Variants in BCKDHB observed in about 807,000 individuals in gnomAD.
BCKDHB encodes the protein branched chain keto acid dehydrogenase E1 subunit beta.
In BCKDHB, 41 loss-of-function variants were observed where a neutral mutation model predicts 48.5. The ratio of observed to expected loss-of-function variants is 0.85; its 90% CI spans 0.66 to 1.10. The LOEUF (loss-of-function observed/expected upper bound fraction) is 1.10, where lower values mean the gene tolerates loss of function less well. Ranked by LOEUF, BCKDHB falls within the 50% of genes least tolerant of loss-of-function variation. The pLI is 0.00. For synonymous variants in BCKDHB, 201 were observed against 174.8 expected (o/e 1.15, Z -1.18); for missense variants, 496 against 494.2 (o/e 1.00, Z -0.03).
chr6:80,386,955 A>G, the BCKDHB span, among the ~76,000 whole-genome samples: 1 of 152,082 alleles, frequency 6.6e-6, no homozygotes, highest in Non-Finnish European at 1.5e-5. Context: ...CATTACCGAC[A>G]ATTTATGCAG....
rs1338393229 is a variant in BCKDHB, at chr6:80,200,878, C to G, written c.743-56C>G. On this transcript the variant is annotated intron_variant, in intron 6 of 9. Transcript: ENST00000320393. ...AGTGAGCTTCTTAAATTATTTTATG[C>G]ACAAGTGTCACCTCAGAAAAAATGT... 2.2e-6 allele frequency: 3 copies of G among 1,341,460 alleles called. No individual in the cohort carries two copies. In the Admixed American group the frequency reaches 5.1e-5, roughly 23 times the overall value. The allele number at this position is 1,341,460 out of a possible 1,614,324, so 83.1% of individuals were successfully genotyped here.
the BCKDHB span, among the ~76,000 whole-genome samples, chr6:80,459,473 T>G: frequency 6.6e-6 from 1 of 152,206 alleles, no homozygotes; most frequent in African/African-American, 2.4e-5. Flanking sequence ...TACCAAGGAC[T>G]GGTGGTGGAG....
Position 80,206,584 on chromosome 6 carries a change from G to A in BCKDHB, c.951+3372G>A, listed in dbSNP as rs1180046226. On this transcript the variant is annotated intron_variant, in intron 8 of 9. Coordinates refer to ENST00000320393, the MANE Select transcript of BCKDHB (RefSeq NM_183050.4). ...GTGTGTGTGTACATGTATGTATATG[G>A]ATCAAGTAAACTTTGTGGAGCCATC... 2.0e-5 allele frequency among the ~76,000 whole-genome samples: 3 copies of A among 150,954 alleles called. No individual in the cohort carries two copies. The East Asian group carries it at 5.8e-4, about 29-fold the overall frequency.
chr6:80,343,915 G>A lies in BCKDHB; in HGVS notation c.*111G>A. 5 of 1,407,988 alleles carry A rather than the reference G, an allele frequency of 3.6e-6. No individual in the cohort carries two copies. The highest frequency in any genetic ancestry group is 4.0e-6 in the Non-Finnish European group (4 of 1,000,254). The allele number at this position is 1,407,988 out of a possible 1,614,324, so 87.2% of individuals were successfully genotyped here. A position where few individuals can be genotyped will look rare whatever the true frequency, so the allele number is the denominator to read the frequency against. ...TGTTTTGATGGTAACAAACTTTGAT[G>A]GTAAAGTTGGTAAAAGGCAACTTTC... On this transcript the variant is annotated 3_prime_UTR_variant, in exon 10 of 10. Coordinates refer to ENST00000320393, the MANE Select transcript of BCKDHB (RefSeq NM_183050.4).
Position 80,172,789 on chromosome 6 carries a change from C to T in BCKDHB, c.742+1399C>T, listed in dbSNP as rs564880151. Among the ~76,000 whole-genome samples the T allele has an allele frequency of 3.7e-4, 57 of 152,186 alleles. 1 individual carries two copies. The South Asian group carries it at 0.011, about 29-fold the overall frequency. On this transcript the variant is annotated intron_variant, in intron 6 of 9. Coordinates refer to ENST00000320393, the MANE Select transcript of BCKDHB (RefSeq NM_183050.4). ...TTTTCAAAGTGGATGTGTCATTTTACACTTTCATTGGAGATTTTTCAGAGT... is the reference window on the plus strand; with the variant it reads ...TTTTCAAAGTGGATGTGTCATTTTATACTTTCATTGGAGATTTTTCAGAGT...
intron 9 of BCKDHB, among the ~76,000 whole-genome samples, chr6:80,334,602 A>G (rs1441912359): frequency 6.6e-6 from 1 of 151,370 alleles, no homozygotes; most frequent in Non-Finnish European, 1.5e-5. Flanking sequence ...CCAAGCTTTA[A>G]AGGCTGTGTT....
chr6:80,324,991 A>G (rs1012436788), intron 9 of BCKDHB, among the ~76,000 whole-genome samples: 5 of 152,226 alleles, frequency 3.3e-5, no homozygotes, highest in Non-Finnish European at 7.3e-5. Flanking sequence ...TATATATGTA[A>G]AAGTCACAGT....
chr6:80,116,914 G>A (rs1769736778), intron 1 of BCKDHB, among the ~76,000 whole-genome samples: 1 of 152,058 alleles, frequency 6.6e-6, no homozygotes, highest in Non-Finnish European at 1.5e-5. Flanking sequence ...CTATAAGTAG[G>A]TTTATCTTAC....
At chr6:80,359,520 TATC>T in the BCKDHB span, among the ~76,000 whole-genome samples, 1 of 152,238 alleles carries the variant, frequency 6.6e-6, no homozygotes, top group Admixed American at 6.5e-5. Flanking sequence ...AAGCTTTTAT[TATC>T]ATTTTAATGC....
intron 8 of BCKDHB, among the ~76,000 whole-genome samples, chr6:80,258,588 C>T (rs1175548185): frequency 6.6e-6 from 1 of 152,228 alleles, no homozygotes; most frequent in African/African-American, 2.4e-5. Flanking sequence ...GCCCAGATGG[C>T]TCTGAGGCTC....
the BCKDHB span, among the ~76,000 whole-genome samples, chr6:80,424,915 G>A: frequency 4.6e-5 from 7 of 152,320 alleles, no homozygotes; most frequent in African/African-American, 1.4e-4. Flanking sequence ...AGAGTCCAAG[G>A]AAAGCTTGTC....
the BCKDHB span, among the ~76,000 whole-genome samples, chr6:80,434,222 G>A: frequency 1.3e-5 from 2 of 150,962 alleles, no homozygotes; most frequent in Non-Finnish European, 2.9e-5. Flanking sequence ...TCTTCATCTC[G>A]TTTGAGCCAT....
intron 1 of BCKDHB, among the ~76,000 whole-genome samples, chr6:80,122,965 C>T (rs1051010988): frequency 2.9e-5 from 4 of 137,634 alleles, no homozygotes; most frequent in Non-Finnish European, 6.3e-5. Flanking sequence ...AGGCCTTCCC[C>T]CCCTCCCCCC....
intron 8 of BCKDHB, among the ~76,000 whole-genome samples, chr6:80,225,562 A>C (rs1775645143): frequency 6.6e-6 from 1 of 152,188 alleles, no homozygotes; most frequent in African/African-American, 2.4e-5. Context: ...TTTTCTTAGA[A>C]GGTCACTTAG....
the BCKDHB span, among the ~76,000 whole-genome samples, chr6:80,407,848 C>A: frequency 0.017 from 2,608 of 152,216 alleles, 19 homozygotes; most frequent in Non-Finnish European, 0.026. Context: ...CCCTTTATTT[C>A]TTTCTTTTGC....
At chr6:80,257,270 A>G (rs1777088371) in intron 8 of BCKDHB, among the ~76,000 whole-genome samples, 1 of 151,684 alleles carries the variant, frequency 6.6e-6, no homozygotes, top group Non-Finnish European at 1.5e-5. Flanking sequence ...CTTGTCTTTA[A>G]TATCTGTCTG....
intron 9 of BCKDHB, among the ~76,000 whole-genome samples, chr6:80,329,215 T>C (rs1359078865): frequency 6.6e-6 from 1 of 152,216 alleles, no homozygotes; most frequent in East Asian, 1.9e-4. Context: ...TTTCTAAGTT[T>C]CTGAGAAATG....
intron 6 of BCKDHB, among the ~76,000 whole-genome samples, chr6:80,173,925 A>G (rs1411121468): frequency 6.6e-6 from 1 of 151,866 alleles, no homozygotes; most frequent in Admixed American, 6.6e-5. Flanking sequence ...ATATAAAAGG[A>G]ATGGTGCATT....
chr6:80,284,749 A>C (rs1232865071), intron 9 of BCKDHB, among the ~76,000 whole-genome samples: 1 of 152,114 alleles, frequency 6.6e-6, no homozygotes, highest in Non-Finnish European at 1.5e-5. Flanking sequence ...TATCATCCAC[A>C]TTTGTAATTG....
Sources: allele counts gnomAD v4.1 joint callset (sites outside exome capture counted in the v4.1 genomes callset), GRCh38; gene constraint gnomAD v4.1.1; transcripts MANE v1.5; gene names NCBI Gene and HGNC (gene_info 2026-07-23, HGNC 2026-07-21).